Variants in TBC1D5 observed in about 807,000 individuals in gnomAD.
TBC1D5 encodes the protein TBC1 domain family, member 5.
In TBC1D5, 75 loss-of-function variants were observed where a neutral mutation model predicts 100.3. The observed-to-expected ratio is 0.75, with a 90% CI of 0.62 to 0.91. The LOEUF (loss-of-function observed/expected upper bound fraction) is 0.91. Among genes scored for constraint, TBC1D5 ranks in the 40% least tolerant of loss-of-function variants. TBC1D5 has a pLI of 0.00. For missense variants in TBC1D5, 910 were observed against 942.4 expected, an observed-to-expected ratio of 0.97 and a Z score of 0.45; for synonymous variants, 323 against 325.6, an observed-to-expected ratio of 0.99 and a Z score of 0.09.
At chr3:17,606,361 G>A (rs2061334067) in intron 2 of TBC1D5, among the ~76,000 whole-genome samples, 1 of 152,122 alleles carries the variant, frequency 6.6e-6, no homozygotes, top group Admixed American at 6.5e-5. Context: ...GGATTGGGAG[G>A]ATTGCTTGAA....
chr3:17,503,809 C>T (rs980208283), intron 3 of TBC1D5, among the ~76,000 whole-genome samples: 1 of 149,552 alleles, frequency 6.7e-6, no homozygotes, highest in African/African-American at 2.5e-5. Context: ...TAATTTATTT[C>T]CTTAGCTTTC....
chr3:17,221,440 A>C (rs1474513981), intron 17 of TBC1D5, among the ~76,000 whole-genome samples: 4 of 151,944 alleles, frequency 2.6e-5, no homozygotes, highest in African/African-American at 9.7e-5. Context: ...CCCCTCTCCC[A>C]CGACCCCACA....
chr3:17,448,111 C>T (rs1421834178), intron 3 of TBC1D5, among the ~76,000 whole-genome samples: 2 of 152,164 alleles, frequency 1.3e-5, no homozygotes, highest in African/African-American at 4.8e-5. Context: ...CTGATTCCAT[C>T]TCAAGAAACT....
exon 11 of TBC1D5, chr3:17,374,663 C>T (rs778461522): frequency 2.5e-6 from 4 of 1,610,616 alleles, no homozygotes; most frequent in Admixed American, 3.3e-5. Context: ...GGGTTCAAGA[C>T]AGTTTTCATT....
intron 13 of TBC1D5, among the ~76,000 whole-genome samples, chr3:17,335,946 C>G (rs1185407241): frequency 1.3e-5 from 2 of 152,058 alleles, no homozygotes; most frequent in East Asian, 1.9e-4. Context: ...TTTTCTATGA[C>G]TTTCTTCCTA....
intron 1 of TBC1D5, among the ~76,000 whole-genome samples, chr3:17,678,046 G>A (rs1377546058): frequency 2.0e-5 from 3 of 152,080 alleles, no homozygotes; most frequent in Admixed American, 6.6e-5. Flanking sequence ...TGTAAATGAC[G>A]AGTTAATGGG....
chr3:17,618,286 G>A (rs1232774469), intron 2 of TBC1D5, among the ~76,000 whole-genome samples: 2 of 152,138 alleles, frequency 1.3e-5, no homozygotes, highest in Non-Finnish European at 2.9e-5. Flanking sequence ...ATCCCAGAGG[G>A]GCACCCGCCT....
intron 4 of TBC1D5, among the ~76,000 whole-genome samples, chr3:17,423,809 A>T (rs752605600): frequency 2.6e-4 from 39 of 152,310 alleles, no homozygotes; most frequent in South Asian, 1.0e-3. Context: ...ACAATGATTT[A>T]TATTCTATCC....
chr3:17,261,481 G>C (rs2078276436), intron 15 of TBC1D5, among the ~76,000 whole-genome samples: 1 of 151,528 alleles, frequency 6.6e-6, no homozygotes, highest in South Asian at 2.1e-4. Flanking sequence ...GGGTGGGGTG[G>C]GGTGGGGGGG....
chr3:17,181,719 C>G (rs1392006995), intron 19 of TBC1D5, among the ~76,000 whole-genome samples: 1 of 152,182 alleles, frequency 6.6e-6, no homozygotes, highest in Non-Finnish European at 1.5e-5. Flanking sequence ...CAGGGCATGT[C>G]TTCTATTTTC....
At chr3:17,319,577 A>G (rs1018054610) in intron 13 of TBC1D5, among the ~76,000 whole-genome samples, 1 of 152,188 alleles carries the variant, frequency 6.6e-6, no homozygotes, top group Non-Finnish European at 1.5e-5. Context: ...GTTCTTATAC[A>G]ACATACAGAC....
intron 1 of TBC1D5, chr3:17,706,319 C>T (rs1372379744): frequency 6.9e-7 from 1 of 1,441,542 alleles, no homozygotes; most frequent in African/African-American, 1.4e-5. Flanking sequence ...CAAACCAGAA[C>T]TGTATACCTT....
At chr3:17,368,498 T>C (rs1174887708) in intron 13 of TBC1D5, among the ~76,000 whole-genome samples, 2 of 152,074 alleles carry the variant, frequency 1.3e-5, no homozygotes, top group Admixed American at 1.3e-4. Context: ...AAATTTTGAC[T>C]AAAAGTAGAA....
intron 19 of TBC1D5, among the ~76,000 whole-genome samples, chr3:17,170,691 AAACC>A (rs2067090687): frequency 6.6e-6 from 1 of 152,110 alleles, no homozygotes; most frequent in Non-Finnish European, 1.5e-5. Context: ...GTGGAAAATG[AAACC>A]CAGAAATGTA....
At chr3:17,404,938 T>A in exon 6 of TBC1D5, 2 of 1,598,154 alleles carry the variant, frequency 1.3e-6, no homozygotes, top group Non-Finnish European at 1.7e-6. Context: ...GACTTTTGTC[T>A]TGAGGAAGAA....
At chr3:17,195,727 G>A (rs969250657) in intron 18 of TBC1D5, among the ~76,000 whole-genome samples, 5 of 148,170 alleles carry the variant, frequency 3.4e-5, no homozygotes, top group African/African-American at 7.5e-5. Flanking sequence ...AAGCAAGTAA[G>A]TTTTGGAACA....
intron 1 of TBC1D5, among the ~76,000 whole-genome samples, chr3:17,733,027 TA>T (rs1348179448): frequency 6.6e-6 from 1 of 151,930 alleles, no homozygotes; most frequent in Non-Finnish European, 1.5e-5. Context: ...AGAAAGGAGG[TA>T]AGGAGCAATT....
chr3:17,239,552 G>A (rs372692682), intron 16 of TBC1D5, among the ~76,000 whole-genome samples: 13 of 152,242 alleles, frequency 8.5e-5, no homozygotes, highest in African/African-American at 2.9e-4. Flanking sequence ...CCAAGCTCCA[G>A]CTGTGGCCTA....
chr3:17,232,638 C>A (rs941281639), intron 17 of TBC1D5, among the ~76,000 whole-genome samples: 6 of 152,102 alleles, frequency 3.9e-5, no homozygotes, highest in African/African-American at 1.4e-4. Context: ...AGAAACTATA[C>A]CTGTGAGACA....
Sources: allele counts gnomAD v4.1 joint callset (sites outside exome capture counted in the v4.1 genomes callset), GRCh38; gene constraint gnomAD v4.1.1; transcripts MANE v1.5; gene names NCBI Gene and HGNC (gene_info 2026-07-23, HGNC 2026-07-21).